The following CBFA2T3 variants were observed in gnomAD, a reference collection of about 807,000 sequenced individuals.
The protein encoded by CBFA2T3 is transcriptional corepressor CBFA2T3.
In CBFA2T3, 31 loss-of-function variants were observed where a neutral mutation model predicts 58.6. The observed-to-expected ratio is 0.53, with a 90% CI of 0.40 to 0.71. The LOEUF (loss-of-function observed/expected upper bound fraction) is 0.71, where lower values mean the gene tolerates loss of function less well. Ranked by LOEUF, CBFA2T3 falls within the 30% of genes least tolerant of loss-of-function variation. The pLI is 0.00. For synonymous variants in CBFA2T3, 531 were observed against 421.9 expected (o/e 1.26, Z -3.17); for missense variants, 1,076 against 963.1 (o/e 1.12, Z -1.55).
chr16:88,877,739 G>A (rs1410979357), intron 11 of CBFA2T3, among the ~76,000 whole-genome samples: 1 of 152,048 alleles, frequency 6.6e-6, no homozygotes, highest in Non-Finnish European at 1.5e-5. Flanking sequence ...GGTGGGCTCT[G>A]CTCCCTTCCC....
intron 1 of CBFA2T3, among the ~76,000 whole-genome samples, chr16:88,954,758 T>C (rs569275145): frequency 4.9e-3 from 33 of 6,770 alleles, no homozygotes; most frequent in Admixed American, 8.7e-3. Context: ...GCTCCTGACC[T>C]CAGCCAAGAC....
intron 1 of CBFA2T3, among the ~76,000 whole-genome samples, chr16:88,910,434 G>A (rs1230887164): frequency 6.6e-6 from 1 of 152,212 alleles, no homozygotes; most frequent in African/African-American, 2.4e-5. Flanking sequence ...AACAGTGCCG[G>A]CCACACTGCA....
At chr16:88,952,723 A>G (rs1489400384) in intron 1 of CBFA2T3, among the ~76,000 whole-genome samples, 1 of 152,084 alleles carries the variant, frequency 6.6e-6, no homozygotes, top group Non-Finnish European at 1.5e-5. Flanking sequence ...GAATTCCCTG[A>G]TCTACCCTTC....
intron 1 of CBFA2T3, among the ~76,000 whole-genome samples, chr16:88,925,650 C>T (rs1971062893): frequency 6.6e-6 from 1 of 152,224 alleles, no homozygotes; most frequent in South Asian, 2.1e-4. Context: ...GCTTCTCCCT[C>T]CAGGGCACCA....
chr16:88,968,442 G>A (rs927715578), intron 1 of CBFA2T3, among the ~76,000 whole-genome samples: 1 of 152,256 alleles, frequency 6.6e-6, no homozygotes, highest in Non-Finnish European at 1.5e-5. Flanking sequence ...TCCTGGCAGT[G>A]GGGACAGAGC....
At chr16:88,941,327 C>A (rs1189524843) in intron 1 of CBFA2T3, 2 of 223,496 alleles carry the variant, frequency 8.9e-6, no homozygotes, top group Admixed American at 6.7e-5. Flanking sequence ...GCTCCAACGC[C>A]GCGCGCTCGC....
At chr16:88,946,561 CA>C (rs1403552093) in intron 1 of CBFA2T3, among the ~76,000 whole-genome samples, 1 of 151,988 alleles carries the variant, frequency 6.6e-6, no homozygotes, top group Non-Finnish European at 1.5e-5. Context: ...TGGCTCACTG[CA>C]ACCTCTGCCT....
intron 1 of CBFA2T3, among the ~76,000 whole-genome samples, chr16:88,971,565 G>A (rs906530472): frequency 3.3e-5 from 5 of 152,200 alleles, no homozygotes; most frequent in African/African-American, 2.4e-5. Flanking sequence ...GCCTGGGAGC[G>A]GCCGTCCTGG....
At position 88,911,626 on chromosome 16, in the gene CBFA2T3, A is replaced by G. The variant is rs564025302; in HGVS notation, c.152-9970T>C. Reference sequence around the variant, plus strand: ...ATCTGTAAAATGGGAATGGGGATGGAATTCCCGCAGAATCACGGAGGGACG... The same window carrying G: ...ATCTGTAAAATGGGAATGGGGATGGGATTCCCGCAGAATCACGGAGGGACG... On this transcript the variant is annotated intron_variant, in intron 1 of 11. Coordinates refer to ENST00000268679, the MANE Select transcript of CBFA2T3 (RefSeq NM_005187.6). Among the ~76,000 whole-genome samples the G allele has an allele frequency of 2.4e-4, 36 of 152,364 alleles. No homozygotes were observed. In the East Asian group the frequency reaches 3.3e-3, roughly 14 times the overall value.
intron 1 of CBFA2T3, among the ~76,000 whole-genome samples, chr16:88,934,255 G>C (rs1617734): frequency 0.3 from 44,215 of 147,010 alleles, 7,341 homozygotes; most frequent in Middle Eastern, 0.52. Context: ...ATGGAGGCAC[G>C]GGCGAGAAGG....
At chr16:88,906,361 A>G (rs1970333013) in intron 1 of CBFA2T3, among the ~76,000 whole-genome samples, 3 of 152,146 alleles carry the variant, frequency 2.0e-5, no homozygotes. Flanking sequence ...CTACCAGCCC[A>G]CGGCTGCGAA....
rs571114710 is a variant in CBFA2T3, at chr16:88,968,509, G to A, written c.151+8148C>T. Among the ~76,000 whole-genome samples the A allele has an allele frequency of 3.9e-4, 60 of 152,258 alleles. 1 individual carries two copies. Among genetic ancestry groups the A allele is most frequent in the Admixed American group, 3.9e-3 (60 of 15,292 alleles). The stretch of plus-strand genomic sequence containing the variant: ...CCTGGGGTGGGAGAAGCCCCTGGGG[G>A]CCGAGAGCAGATGAGGGCAGATCTG... On this transcript the variant is annotated intron_variant, in intron 1 of 11. Transcript: ENST00000268679.
intron 1 of CBFA2T3, among the ~76,000 whole-genome samples, chr16:88,920,198 T>C (rs1349765713): frequency 6.6e-6 from 1 of 152,232 alleles, no homozygotes; most frequent in Non-Finnish European, 1.5e-5. Context: ...TCTAGGCCCA[T>C]GCACTGACAG....
intron 1 of CBFA2T3, among the ~76,000 whole-genome samples, chr16:88,934,341 G>C (rs1295260779): frequency 6.6e-6 from 1 of 152,236 alleles, no homozygotes; most frequent in Non-Finnish European, 1.5e-5. Context: ...GCACGTTCCC[G>C]AACACTCTGC....
intron 1 of CBFA2T3, chr16:88,937,397 TTG>T (rs999868009): frequency 6.5e-6 from 1 of 152,752 alleles, no homozygotes; most frequent in Admixed American, 6.5e-5. Context: ...ACCCCAGCAG[TTG>T]TGTTTCCACC....
At chr16:88,881,573 C>A in intron 8 of CBFA2T3, 84 bp from the exon 9 acceptor site, 1 of 1,414,700 alleles carries the variant, frequency 7.1e-7, no homozygotes, top group South Asian at 1.3e-5. Flanking sequence ...GCCAGAGCCC[C>A]GGACAGGATG....
At chr16:88,951,318 C>T (rs1353064249) in intron 1 of CBFA2T3, 2 of 457,542 alleles carry the variant, frequency 4.4e-6, no homozygotes, top group Non-Finnish European at 8.8e-6. Flanking sequence ...AGTGTTGGCA[C>T]CTGTCTTCTG....
rs558174528 is a variant in CBFA2T3 at position 88,899,620 on chromosome 16, A to ACCTCCAG, written c.305-1475_305-1469dup. ...CCCGACGCTCTGCTGATCCCAACCC[A>ACCTCCAG]CCTCCAGCCAGGAGCATCAGACCGG... is the stretch of plus-strand genomic sequence containing the variant. On this transcript the variant is annotated intron_variant, in intron 2 of 11. Transcript: ENST00000268679. Among the ~76,000 whole-genome samples, 170 of 151,804 alleles carry ACCTCCAG rather than the reference A, an allele frequency of 1.1e-3. 1 individual carries two copies. The highest frequency in any genetic ancestry group is 3.8e-3 in the African/African-American group (158 of 41,340).
At chr16:88,911,599 T>A (rs1245798359) in intron 1 of CBFA2T3, among the ~76,000 whole-genome samples, 1 of 152,230 alleles carries the variant, frequency 6.6e-6, no homozygotes, top group East Asian at 1.9e-4. Context: ...CTCAGTTTTC[T>A]CATCTGTAAA....
Sources: gnomAD v4.1 joint callset for allele counts (sites outside exome capture counted in the v4.1 genomes callset) on GRCh38, gnomAD v4.1.1 for gene constraint, MANE v1.5 for transcripts, NCBI Gene and HGNC (gene_info 2026-07-23, HGNC 2026-07-21) for gene names.